LHFPL3: variants seen among roughly 807,000 people sequenced by gnomAD.
The protein encoded by LHFPL3 is LHFPL tetraspan subfamily member 3, also known as LHFPL tetraspan subfamily member 3 protein.
Under a neutral mutation model 19.3 loss-of-function variants are expected in LHFPL3, and 5 were observed. The ratio of observed to expected loss-of-function variants is 0.26; its 90% CI spans 0.14 to 0.54. LHFPL3 has a LOEUF of 0.54. Among genes scored for constraint, LHFPL3 ranks in the 20% least tolerant of loss-of-function variants. The probability of loss-of-function intolerance (pLI) is 0.94; values close to 1 mark genes in which losing one functional copy is unlikely to be tolerated. For synonymous variants in LHFPL3, 133 were observed against 126.2 expected, an observed-to-expected ratio of 1.05 and a Z score of -0.36; for missense variants, 249 against 307.4, an observed-to-expected ratio of 0.81 and a Z score of 1.42.
intron 1 of LHFPL3, among the ~76,000 whole-genome samples, chr7:104,560,671 C>G (rs927583704): frequency 6.6e-5 from 10 of 150,618 alleles, no homozygotes; most frequent in African/African-American, 2.5e-4. Context: ...TTTTTTGTGT[C>G]TCTATTTCCT....
At chr7:104,486,731 A>G (rs762609305) in intron 1 of LHFPL3, among the ~76,000 whole-genome samples, 1 of 152,190 alleles carries the variant, frequency 6.6e-6, no homozygotes, top group Non-Finnish European at 1.5e-5. Flanking sequence ...TAGTTCTACT[A>G]TTTTAATGTT....
chr7:104,762,167 C>A (rs6968072), intron 2 of LHFPL3, among the ~76,000 whole-genome samples: 1,608 of 152,194 alleles, frequency 0.011, 29 homozygotes, highest in African/African-American at 0.036. Flanking sequence ...GGGTTAACAT[C>A]CAGGACCCGA....
rs549090593 is a variant in LHFPL3 at position 104,556,556 on chromosome 7, G to A, written c.446-180119G>A. Among the ~76,000 whole-genome samples, 15 of 152,274 alleles carry A rather than the reference G, an allele frequency of 9.9e-5. No homozygotes were observed. In the South Asian group the frequency reaches 3.1e-3, roughly 32 times the overall value. ...ACTGTATACAGCAGAGGCACCCTGG[G>A]CCCAGCCCACAAAACCATTTTTCCT... On this transcript the variant is annotated intron_variant, in intron 1 of 2. Coordinates refer to ENST00000424859, the MANE Select transcript of LHFPL3 (RefSeq NM_199000.3).
intron 2 of LHFPL3, among the ~76,000 whole-genome samples, chr7:104,813,845 C>G (rs6964274): frequency 0.16 from 25,079 of 152,218 alleles, 2,442 homozygotes; most frequent in East Asian, 0.46. Context: ...AAGAAGGAGT[C>G]ATAGCCCTGA....
intron 1 of LHFPL3, among the ~76,000 whole-genome samples, chr7:104,578,848 G>A (rs551826986): frequency 6.6e-5 from 10 of 152,154 alleles, no homozygotes; most frequent in Admixed American, 3.3e-4. Context: ...CACTTGTATC[G>A]AGAGTGGTCA....
intron 1 of LHFPL3, among the ~76,000 whole-genome samples, chr7:104,412,286 A>G (rs1791548582): frequency 6.6e-6 from 1 of 152,090 alleles, no homozygotes; most frequent in East Asian, 1.9e-4. Context: ...GTGAAGACAG[A>G]TTGATGAATC....
chr7:104,643,307 G>T lies in LHFPL3; in HGVS notation c.446-93368G>T, dbSNP rs1791870213. On this transcript the variant is annotated intron_variant, in intron 1 of 2. Coordinates refer to ENST00000424859, the MANE Select transcript of LHFPL3 (RefSeq NM_199000.3). ...TGAGCCTTCCCAGAGATTCATGAAA[G>T]CTTCATAAGACTCAGTTTTCTCATT... 2.0e-5 allele frequency among the ~76,000 whole-genome samples: 3 copies of T among 152,138 alleles called. No individual in the cohort carries two copies. In the South Asian group the frequency reaches 6.2e-4, roughly 32 times the overall value.
intron 2 of LHFPL3, among the ~76,000 whole-genome samples, chr7:104,891,303 G>A (rs1313385596): frequency 2.0e-5 from 3 of 152,058 alleles, no homozygotes; most frequent in Non-Finnish European, 4.4e-5. Flanking sequence ...CAAGGCTGAG[G>A]GGCTGCTTCT....
intron 1 of LHFPL3, among the ~76,000 whole-genome samples, chr7:104,548,118 G>A (rs1794604822): frequency 6.6e-6 from 1 of 152,062 alleles, no homozygotes; most frequent in Non-Finnish European, 1.5e-5. Context: ...CAATATTTTT[G>A]TCTTATGTTT....
At chr7:104,767,129 A>G (rs1473873745) in intron 2 of LHFPL3, among the ~76,000 whole-genome samples, 3 of 152,258 alleles carry the variant, frequency 2.0e-5, no homozygotes, top group Non-Finnish European at 2.9e-5. Context: ...GACTTCCTGA[A>G]GAGTGACATT....
intron 1 of LHFPL3, among the ~76,000 whole-genome samples, chr7:104,639,107 T>C (rs1164690764): frequency 1.3e-5 from 2 of 152,152 alleles, no homozygotes; most frequent in African/African-American, 2.4e-5. Flanking sequence ...AGGAATTTTT[T>C]TGAGAATTTT....
At chr7:104,354,379 G>A (rs961752294) in intron 1 of LHFPL3, among the ~76,000 whole-genome samples, 1 of 152,152 alleles carries the variant, frequency 6.6e-6, no homozygotes, top group Non-Finnish European at 1.5e-5. Flanking sequence ...GATGAGCCTA[G>A]GTGGGATTGT....
At chr7:104,562,497 C>A (rs910112283) in intron 1 of LHFPL3, among the ~76,000 whole-genome samples, 3 of 152,186 alleles carry the variant, frequency 2.0e-5, no homozygotes, top group Admixed American at 6.5e-5. Context: ...CTTCTGCATT[C>A]TTCACGTAGT....
intron 2 of LHFPL3, among the ~76,000 whole-genome samples, chr7:104,789,214 C>T (rs1562793940): frequency 6.6e-6 from 1 of 152,122 alleles, no homozygotes; most frequent in Non-Finnish European, 1.5e-5. Flanking sequence ...CAATAGCCAG[C>T]CTGAACTGTT....
At chr7:104,465,736 C>T (rs1404101312) in intron 1 of LHFPL3, among the ~76,000 whole-genome samples, 4 of 152,094 alleles carry the variant, frequency 2.6e-5, no homozygotes, top group Non-Finnish European at 4.4e-5. Flanking sequence ...GGGTCCCTCC[C>T]ATGACATGTG....
intron 1 of LHFPL3, among the ~76,000 whole-genome samples, chr7:104,402,626 C>A (rs1476491557): frequency 6.6e-6 from 1 of 151,552 alleles, no homozygotes; most frequent in African/African-American, 2.4e-5. Flanking sequence ...GCCCTAACCA[C>A]AGACTGAGGG....
At chr7:104,357,134 C>T (rs1033265719) in intron 1 of LHFPL3, among the ~76,000 whole-genome samples, 4 of 152,152 alleles carry the variant, frequency 2.6e-5, no homozygotes, top group African/African-American at 9.7e-5. Context: ...GTTGTTACTC[C>T]AGAGGGAAGT....
At chr7:104,610,194 T>A (rs1468735031) in intron 1 of LHFPL3, among the ~76,000 whole-genome samples, 1 of 152,178 alleles carries the variant, frequency 6.6e-6, no homozygotes, top group Non-Finnish European at 1.5e-5. Context: ...TTAAAAATCC[T>A]TTCTGTATAC....
chr7:104,330,051 T>G (rs903404996), intron 1 of LHFPL3, among the ~76,000 whole-genome samples: 2 of 152,236 alleles, frequency 1.3e-5, no homozygotes, highest in Admixed American at 6.5e-5. Context: ...AAATTGTTGC[T>G]AGCTGGAGGA....
Sources: allele counts gnomAD v4.1 joint callset (sites outside exome capture counted in the v4.1 genomes callset), GRCh38; gene constraint gnomAD v4.1.1; transcripts MANE v1.5; gene names NCBI Gene and HGNC (gene_info 2026-07-23, HGNC 2026-07-21).